EPDR1: variants seen among roughly 807,000 people sequenced by gnomAD.
The protein encoded by EPDR1 is mammalian ependymin-related protein 1.
EPDR1 carries 27 observed loss-of-function variants against 23.7 expected under a neutral mutation model. The ratio of observed to expected loss-of-function variants is 1.14; its 90% CI spans 0.84 to 1.57. The LOEUF is 1.57. Ranked by LOEUF, EPDR1 falls within the 40% of genes most tolerant of loss-of-function variation. The pLI is 0.00. For missense variants in EPDR1, 349 were observed against 290.4 expected, an observed-to-expected ratio of 1.20 and a Z score of -1.47; for synonymous variants, 137 against 118.2, an observed-to-expected ratio of 1.16 and a Z score of -1.03.
chr7:37,938,470 T>C (rs1170672438), intron 1 of EPDR1, among the ~76,000 whole-genome samples: 1 of 152,184 alleles, frequency 6.6e-6, no homozygotes, highest in Non-Finnish European at 1.5e-5. Context: ...TCTGTGGACA[T>C]TTTTCTGCTA....
In EPDR1 at chr7:37,950,395, G is replaced by A. The variant is rs774595672; in HGVS notation, c.674G>A (p.Ter225=). 1 of 1,610,904 alleles carries A rather than the reference G, an allele frequency of 6.2e-7. No homozygotes were observed. Among genetic ancestry groups the A allele is most frequent in the East Asian group, 2.2e-5 (1 of 44,700 alleles). Residue 225 remains the stop codon, a stop_retained_variant, in exon 3 of 3, where the codon TGA becomes TAA. Coordinates refer to ENST00000199448, the MANE Select transcript of EPDR1 (RefSeq NM_017549.5). ...LEKMSEDCSW[*] is the part of the protein sequence containing the mutation. ...AAGATGAGCGAAGACTGCTCCTGGT[G>A]AGCCTGTGCATAGGGAAGCGGCAGC...
intron 1 of EPDR1, among the ~76,000 whole-genome samples, chr7:37,936,133 G>C (rs150269874): frequency 1.2e-5 from 1 of 83,584 alleles, no homozygotes; most frequent in Non-Finnish European, 2.5e-5. Context: ...CTTAATAGCA[G>C]ACTAAGTCCA....
At chr7:37,947,131 C>T (rs1395964118) in intron 1 of EPDR1, among the ~76,000 whole-genome samples, 1 of 152,208 alleles carries the variant, frequency 6.6e-6, no homozygotes, top group Non-Finnish European at 1.5e-5. Flanking sequence ...ACTTCGAGTC[C>T]TGCAGGCTCC....
chr7:37,948,638 A>G (rs1786331421), intron 1 of EPDR1, among the ~76,000 whole-genome samples: 1 of 152,214 alleles, frequency 6.6e-6, no homozygotes, highest in Middle Eastern at 3.2e-3. Context: ...ATGAGCCATC[A>G]TGCTCGGTCT....
intron 1 of EPDR1, among the ~76,000 whole-genome samples, chr7:37,945,616 T>C (rs1369555577): frequency 1.3e-5 from 2 of 152,230 alleles, no homozygotes; most frequent in African/African-American, 2.4e-5. Context: ...GGTAGCGCAG[T>C]GCATTACTCA....
At chr7:37,928,314 T>C (rs1785857915) in intron 1 of EPDR1, among the ~76,000 whole-genome samples, 1 of 152,192 alleles carries the variant, frequency 6.6e-6, no homozygotes, top group Non-Finnish European at 1.5e-5. Context: ...CTGGAATAAA[T>C]ATGATAGTCT....
At chr7:37,923,783 A>C (rs763896955) in intron 1 of EPDR1, among the ~76,000 whole-genome samples, 15 of 152,200 alleles carry the variant, frequency 9.9e-5, no homozygotes, top group Non-Finnish European at 1.5e-4. Flanking sequence ...TCTGAGTCTC[A>C]GTATCCTCAT....
intron 1 of EPDR1, among the ~76,000 whole-genome samples, chr7:37,948,587 G>A (rs571381793): frequency 3.9e-5 from 6 of 152,060 alleles, no homozygotes; most frequent in South Asian, 2.1e-4. Context: ...GGCTCAAAAC[G>A]TACTCCATCC....
chr7:37,926,071 G>A (rs752890814), intron 1 of EPDR1, among the ~76,000 whole-genome samples: 48 of 152,188 alleles, frequency 3.2e-4, no homozygotes, highest in Admixed American at 5.2e-4. Context: ...ATGGAATAGT[G>A]TTGCTTATAG....
At chr7:37,934,011 C>T (rs1481357079) in intron 1 of EPDR1, among the ~76,000 whole-genome samples, 1 of 143,494 alleles carries the variant, frequency 7.0e-6, no homozygotes, top group African/African-American at 2.6e-5. Context: ...GAGTCTCGCT[C>T]TGTCACCTAG....
chr7:37,923,962 G>T (rs1785766284), intron 1 of EPDR1, among the ~76,000 whole-genome samples: 1 of 152,214 alleles, frequency 6.6e-6, no homozygotes, highest in Non-Finnish European at 1.5e-5. Flanking sequence ...TCCTGGTAAA[G>T]TTACCATAGC....
At chr7:37,936,025 T>TATATATATATACAC (rs1562860395) in intron 1 of EPDR1, among the ~76,000 whole-genome samples, 2 of 105,300 alleles carry the variant, frequency 1.9e-5, no homozygotes, top group African/African-American at 7.7e-5. Flanking sequence ...TATATATATA[T>TATATATATATACAC]ATATATATAT....
chr7:37,946,302 G>A (rs1786273455), intron 1 of EPDR1, among the ~76,000 whole-genome samples: 1 of 152,172 alleles, frequency 6.6e-6, no homozygotes. Context: ...TTGAGGAATT[G>A]CCACGCTGTC....
chr7:37,939,692 C>T (rs1211743428), intron 1 of EPDR1, among the ~76,000 whole-genome samples: 1 of 152,006 alleles, frequency 6.6e-6, no homozygotes, highest in Non-Finnish European at 1.5e-5. Context: ...TTTTAAAGAC[C>T]CCTCTTATGG....
chr7:37,933,068 C>T lies in EPDR1; in HGVS notation c.269+11860C>T, dbSNP rs992203462. Among the ~76,000 whole-genome samples the T allele has an allele frequency of 5.3e-5, 8 of 152,202 alleles. No homozygotes were observed. The East Asian group carries it at 7.7e-4, about 15-fold the overall frequency. ...TTGTTATATGTGATTGGCAACAATG[C>T]GCACAATGAGTTTGTATCTAACACA... On this transcript the variant is annotated intron_variant, in intron 1 of 2. Coordinates refer to ENST00000199448, the MANE Select transcript of EPDR1 (RefSeq NM_017549.5).
intron 1 of EPDR1, among the ~76,000 whole-genome samples, chr7:37,937,244 G>A (rs771510939): frequency 3.9e-5 from 6 of 152,104 alleles, no homozygotes; most frequent in Non-Finnish European, 8.8e-5. Flanking sequence ...AAAATAAACT[G>A]CAAACCAAAC....
rs997441395 is a variant in EPDR1 at position 37,920,952 on chromosome 7, G to T, written c.13G>T (p.Ala5Ser). The T allele has an allele frequency of 1.9e-6, 3 of 1,598,548 alleles. No individual in the cohort carries two copies. The African/African-American group carries it at 4.0e-5, about 21-fold the overall frequency. Residue 5 changes from alanine (A) to serine (S), a missense_variant, in exon 1 of 3, where the codon GCT becomes TCT. Coordinates refer to ENST00000199448, the MANE Select transcript of EPDR1 (RefSeq NM_017549.5). ...AAGGCTGACCGCGATGCCAGGACGC[G>T]CTCCCCTCCGCACCGTCCCGGGCGC... Reference protein sequence around the residue: MPGRAPLRTVPGALG... With the variant: MPGRSPLRTVPGALG...
At chr7:37,945,580 C>T (rs1434666697) in intron 1 of EPDR1, among the ~76,000 whole-genome samples, 1 of 152,182 alleles carries the variant, frequency 6.6e-6, no homozygotes, top group African/African-American at 2.4e-5. Flanking sequence ...CTTCCATTGC[C>T]TAGTGACCTC....
At position 37,951,573 on chromosome 7, in the gene EPDR1, C is replaced by A. The variant is rs76183780; in HGVS notation, c.*1177C>A. 1.3e-5 allele frequency: 2 copies of A among 152,208 alleles called. No homozygotes were observed. The highest frequency in any genetic ancestry group is 2.9e-5 in the Non-Finnish European group (2 of 68,052). 9.4% of individuals were successfully genotyped at this position (152,208 alleles called of 1,614,324 possible). A position where few individuals can be genotyped will look rare whatever the true frequency, so the allele number is the denominator to read the frequency against. ...GCAAGTGCCTGGCACATAGTCAGTG[C>A]CCTAAGTATTCGTAGAGTGAAGAAT... On this transcript the variant is annotated 3_prime_UTR_variant, in exon 3 of 3. Transcript: ENST00000199448.
Sources: allele counts gnomAD v4.1 joint callset (sites outside exome capture counted in the v4.1 genomes callset), GRCh38; gene constraint gnomAD v4.1.1; transcripts MANE v1.5; gene names NCBI Gene and HGNC (gene_info 2026-07-23, HGNC 2026-07-21).